The following PBX1 variants were observed in gnomAD, a reference collection of about 807,000 sequenced individuals.
PBX1 encodes the protein pre-B-cell leukemia transcription factor 1.
PBX1 carries 6 observed loss-of-function variants against 53.4 expected under a neutral mutation model. That is an observed-to-expected ratio of 0.11 (90% CI 0.06 to 0.22). The LOEUF is 0.22. PBX1 is among the 10% of genes least tolerant of loss of function. The pLI is 1.00. For missense variants in PBX1, 251 were observed against 551.4 expected (o/e 0.46, Z 5.46); for synonymous variants, 204 against 212.3 (o/e 0.96, Z 0.34).
intron 2 of PBX1, among the ~76,000 whole-genome samples, chr1:164,571,873 GTATATATA>G (rs59338120): frequency 0.022 from 652 of 29,898 alleles, 15 homozygotes; most frequent in African/African-American, 0.047. Flanking sequence ...TCTGTACATT[GTATATATA>G]TATATATATA....
chr1:164,668,782 A>G (rs1188944161), intron 2 of PBX1, among the ~76,000 whole-genome samples: 2 of 152,258 alleles, frequency 1.3e-5, no homozygotes, highest in African/African-American at 2.4e-5. Flanking sequence ...GACTGAAAGA[A>G]TGTGCCGTTT....
In PBX1 at chr1:164,653,147, G is replaced by A. The variant is rs760590093; in HGVS notation, c.265+89836G>A. Among the ~76,000 whole-genome samples, 19 of 152,120 alleles carry A rather than the reference G, an allele frequency of 1.2e-4. No homozygotes were observed. The South Asian group carries it at 1.5e-3, about 12-fold the overall frequency. On this transcript the variant is annotated intron_variant, in intron 2 of 8. Coordinates refer to ENST00000420696, the MANE Select transcript of PBX1 (RefSeq NM_002585.4). ...CTCCCAAAGTGCTGGCATTAGAGGCGTGACCCACCACACCCAGCCTTGTTT... is the reference window on the plus strand; with the variant it reads ...CTCCCAAAGTGCTGGCATTAGAGGCATGACCCACCACACCCAGCCTTGTTT...
chr1:164,781,213 T>C (rs181152067), intron 2 of PBX1, among the ~76,000 whole-genome samples: 1 of 152,208 alleles, frequency 6.6e-6, no homozygotes, highest in Non-Finnish European at 1.5e-5. Context: ...GAAAAGCTAA[T>C]TGGCGTGTGT....
At chr1:164,768,061 A>G (rs924929977) in intron 2 of PBX1, among the ~76,000 whole-genome samples, 1 of 152,064 alleles carries the variant, frequency 6.6e-6, no homozygotes, top group Non-Finnish European at 1.5e-5. Flanking sequence ...TTTCTCATTC[A>G]GAGAGAGGCT....
intron 5 of PBX1, among the ~76,000 whole-genome samples, chr1:164,811,566 T>C (rs1214914168): frequency 6.6e-6 from 1 of 152,206 alleles, no homozygotes; most frequent in Non-Finnish European, 1.5e-5. Context: ...AAAGCACCTA[T>C]ATGGACATTT....
intron 2 of PBX1, among the ~76,000 whole-genome samples, chr1:164,711,814 A>G (rs1663798963): frequency 6.6e-6 from 1 of 152,254 alleles, no homozygotes; most frequent in African/African-American, 2.4e-5. Context: ...GTATTCAGCC[A>G]TCGTGTGCTG....
rs1473492291 is a variant in PBX1 at position 164,850,826 on chromosome 1, A to G, written c.*4150A>G. The stretch of plus-strand genomic sequence containing the variant: ...CAAGGGAACTTTTTATGCTATCAGG[A>G]AAGGTTTTTGCTGTTTTTGATTCTG... On this transcript the variant is annotated 3_prime_UTR_variant, in exon 9 of 9. Transcript: ENST00000420696. 1 of 210,338 alleles carries G rather than the reference A, an allele frequency of 4.8e-6. No individual in the cohort carries two copies. Among genetic ancestry groups the G allele is most frequent in the Admixed American group, 5.9e-5 (1 of 16,970 alleles). 13.0% of individuals were successfully genotyped at this position (210,338 alleles called of 1,614,324 possible).
At chr1:164,706,101 A>C (rs914775947) in intron 2 of PBX1, among the ~76,000 whole-genome samples, 7 of 152,204 alleles carry the variant, frequency 4.6e-5, no homozygotes, top group African/African-American at 1.7e-4. Flanking sequence ...GTATCTTGAA[A>C]ATGTCTCAAT....
At chr1:164,855,768 C>A (rs907905942), downstream of PBX1, among the ~76,000 whole-genome samples, 1 of 152,180 alleles carries the variant, frequency 6.6e-6, no homozygotes, top group Admixed American at 6.5e-5. Flanking sequence ...AAACAGCCAC[C>A]AACAAGAGGT....
At chr1:164,829,336 T>C (rs574130961) in intron 8 of PBX1, 1 of 152,358 alleles carries the variant, frequency 6.6e-6, no homozygotes, top group Non-Finnish European at 1.5e-5. Flanking sequence ...TTGTTATTCT[T>C]ACATAGATTT....
intron 2 of PBX1, among the ~76,000 whole-genome samples, chr1:164,736,315 A>C (rs1468568537): frequency 6.6e-6 from 1 of 152,086 alleles, no homozygotes; most frequent in African/African-American, 2.4e-5. Context: ...CTGGCCCTGG[A>C]ATCACTCTTT....
At chr1:164,754,301 T>G (rs1325603326) in intron 2 of PBX1, among the ~76,000 whole-genome samples, 1 of 152,340 alleles carries the variant, frequency 6.6e-6, no homozygotes, top group South Asian at 2.1e-4. Context: ...GGGTCTGTGC[T>G]GCTGACGTTT....
chr1:164,577,623 C>G (rs1654343528), intron 2 of PBX1, among the ~76,000 whole-genome samples: 2 of 152,168 alleles, frequency 1.3e-5, no homozygotes, highest in South Asian at 4.1e-4. Context: ...TATTCTAGTG[C>G]TTGCTTATTA....
At chr1:164,728,738 G>T (rs142716285) in intron 2 of PBX1, among the ~76,000 whole-genome samples, 87 of 152,214 alleles carry the variant, frequency 5.7e-4, no homozygotes, top group Middle Eastern at 3.4e-3. Flanking sequence ...TTTATTCAGG[G>T]CCTCTGGTTT....
intron 2 of PBX1, among the ~76,000 whole-genome samples, chr1:164,715,679 A>G (rs1218698282): frequency 6.6e-6 from 1 of 152,204 alleles, no homozygotes; most frequent in Non-Finnish European, 1.5e-5. Flanking sequence ...TTGCTTGACT[A>G]GCTCATGCCT....
At chr1:164,858,237 C>T (rs569074726) in intron 2 of PBX1, among the ~76,000 whole-genome samples, 2 of 152,210 alleles carry the variant, frequency 1.3e-5, no homozygotes, top group Non-Finnish European at 1.5e-5. Context: ...TTCCATTTCT[C>T]CTAGAAAATC....
chr1:164,674,271 CACATGGACAAAGAG>C (rs1661295304), intron 2 of PBX1, among the ~76,000 whole-genome samples: 1 of 152,194 alleles, frequency 6.6e-6, no homozygotes, highest in African/African-American at 2.4e-5. Flanking sequence ...TCATGACTTA[CACATGGACAAAGAG>C]GAAGGATGAG....
intron 2 of PBX1, among the ~76,000 whole-genome samples, chr1:164,704,957 C>T (rs1268977029): frequency 1.3e-5 from 2 of 152,146 alleles, no homozygotes; most frequent in South Asian, 2.1e-4. Context: ...TTCTTGTTTT[C>T]CCCAACTTCT....
chr1:164,774,803 T>A lies in PBX1; in HGVS notation c.266-17691T>A, dbSNP rs1667562737. 2.0e-5 allele frequency among the ~76,000 whole-genome samples: 3 copies of A among 152,262 alleles called. No individual in the cohort carries two copies. In the South Asian group the frequency reaches 6.2e-4, roughly 32 times the overall value. On this transcript the variant is annotated intron_variant, in intron 2 of 8. Transcript: ENST00000420696. ...CAGTGTAATTACCATCTCAAGCATT[T>A]TCTGTTCGTCCCCTGTAGGTACACC... is the stretch of plus-strand genomic sequence containing the variant.
Sources: gnomAD v4.1 joint callset for allele counts (sites outside exome capture counted in the v4.1 genomes callset) on GRCh38, gnomAD v4.1.1 for gene constraint, MANE v1.5 for transcripts, NCBI Gene and HGNC (gene_info 2026-07-23, HGNC 2026-07-21) for gene names.